Variants in FBXO27 observed in about 807,000 individuals in gnomAD.
FBXO27 encodes F-box protein 27.
FBXO27 carries 28 observed loss-of-function variants against 28.3 expected under a neutral mutation model. The ratio of observed to expected loss-of-function variants is 0.99; its 90% confidence interval spans 0.73 to 1.36. FBXO27 has a LOEUF of 1.36. Among genes scored for constraint, FBXO27 ranks in the 40% most tolerant of loss-of-function variants. The probability of loss-of-function intolerance (pLI) is 0.00; values close to 1 mark genes in which losing one functional copy is unlikely to be tolerated. For missense variants in FBXO27, 388 were observed against 394.1 expected (o/e 0.98, Z 0.13); for synonymous variants, 175 against 167.3 (o/e 1.05, Z -0.36).
At position 39,011,292 on chromosome 19, in the gene FBXO27, C is replaced by T. The variant is rs987139942; in HGVS notation, c.252+3095G>A. ...CTAAAAATACAAAACATTAGCCGGG[C>T]GTGGTGTCACCCGCCTGTAATCCCA... On this transcript the variant is annotated intron_variant, in intron 2 of 2. Transcript: ENST00000598394. 8.5e-5 allele frequency among the ~76,000 whole-genome samples: 13 copies of T among 152,116 alleles called. No individual in the cohort carries two copies. The East Asian group carries it at 9.7e-4, about 11-fold the overall frequency.
intron 4 of FBXO27, 40 bp from the exon 5 acceptor site, chr19:39,027,045 C>T (rs1374059593): frequency 6.2e-7 from 1 of 1,611,540 alleles, no homozygotes; most frequent in Admixed American, 1.7e-5. Flanking sequence ...ACCTGCCACC[C>T]CATCTCTTTG....
chr19:39,022,838 C>T (rs2072852060), downstream of FBXO27, among the ~76,000 whole-genome samples: 1 of 152,062 alleles, frequency 6.6e-6, no homozygotes, highest in African/African-American at 2.4e-5. Flanking sequence ...GCTCTTGTTG[C>T]CCTGGCTGGA....
At chr19:39,008,525 T>C (rs2072780950) in intron 2 of FBXO27, among the ~76,000 whole-genome samples, 1 of 152,200 alleles carries the variant, frequency 6.6e-6, no homozygotes, top group South Asian at 2.1e-4. Flanking sequence ...TATAAATCAC[T>C]ATTTTAGCCA....
intron 2 of FBXO27, among the ~76,000 whole-genome samples, chr19:39,008,530 T>A (rs2072780965): frequency 6.6e-6 from 1 of 152,200 alleles, no homozygotes; most frequent in Admixed American, 6.6e-5. Flanking sequence ...ATCACTATTT[T>A]AGCCATTTAA....
At chr19:39,016,940 C>A (rs1344396882) in intron 1 of FBXO27, among the ~76,000 whole-genome samples, 1 of 95,052 alleles carries the variant, frequency 1.1e-5, no homozygotes, top group Non-Finnish European at 2.4e-5. Flanking sequence ...CTAAAAGTAG[C>A]TGGGTGTGGT....
chr19:39,012,828 C>T (rs915198306), intron 2 of FBXO27, among the ~76,000 whole-genome samples: 29 of 151,950 alleles, frequency 1.9e-4, no homozygotes, highest in Admixed American at 3.3e-4. Context: ...GACGTGGAGG[C>T]GCGGGCCTGT....
downstream of FBXO27, among the ~76,000 whole-genome samples, chr19:39,022,867 G>A (rs2072852182): frequency 1.3e-5 from 2 of 152,092 alleles, no homozygotes; most frequent in South Asian, 4.1e-4. Context: ...GCGCGATCTT[G>A]GCTTACGGCA....
chr19:39,011,873 G>C (rs1184049563), intron 2 of FBXO27, among the ~76,000 whole-genome samples: 3 of 146,306 alleles, frequency 2.1e-5, no homozygotes, highest in African/African-American at 5.0e-5. Flanking sequence ...TGTCATCCCA[G>C]GCTGGAGTAC....
intron 2 of FBXO27, among the ~76,000 whole-genome samples, chr19:39,012,536 G>A (rs1338877247): frequency 2.0e-5 from 3 of 152,178 alleles, no homozygotes; most frequent in Non-Finnish European, 4.4e-5. Context: ...GGATACAAAA[G>A]GGATGGAAGC....
chr19:39,019,586 G>T (rs1367609575), downstream of FBXO27, among the ~76,000 whole-genome samples: 2 of 151,870 alleles, frequency 1.3e-5, no homozygotes, highest in African/African-American at 2.4e-5. Flanking sequence ...TGCCAGCAAA[G>T]GATGGTTTGA....
intron 2 of FBXO27, 95 bp from the exon 3 acceptor site, chr19:39,031,415 T>C (rs371320174): frequency 3.6e-6 from 4 of 1,112,552 alleles, no homozygotes; most frequent in South Asian, 1.4e-5. Context: ...GTGCTCACAG[T>C]GCAGCTCACT....
downstream of FBXO27, among the ~76,000 whole-genome samples, chr19:39,021,825 G>C (rs2072846486): frequency 6.6e-6 from 1 of 151,988 alleles, no homozygotes; most frequent in South Asian, 2.1e-4. Flanking sequence ...ACCACGCCCA[G>C]CTAATTTTTG....
chr19:39,023,689 C>A (rs1475166491), downstream of FBXO27, among the ~76,000 whole-genome samples: 6 of 152,014 alleles, frequency 3.9e-5, no homozygotes, highest in African/African-American at 1.4e-4. Context: ...TCCTGGCTCA[C>A]TGCAACCTCC....
At chr19:39,010,409 T>C (rs1319366538) in intron 2 of FBXO27, among the ~76,000 whole-genome samples, 2 of 152,142 alleles carry the variant, frequency 1.3e-5, no homozygotes, top group Non-Finnish European at 2.9e-5. Flanking sequence ...TGAAAATCAA[T>C]TGATCATCGA....
chr19:39,006,099 A>T (rs1975732748), intron 2 of FBXO27, among the ~76,000 whole-genome samples: 1 of 152,236 alleles, frequency 6.6e-6, no homozygotes. Flanking sequence ...AACATCAGAC[A>T]AAAGCAAATG....
chr19:39,027,406 G>A (rs1600227958), intron 4 of FBXO27, among the ~76,000 whole-genome samples: 2 of 152,114 alleles, frequency 1.3e-5, no homozygotes, highest in South Asian at 2.1e-4. Context: ...TCTGGACACC[G>A]AGGCTCAAGT....
At chr19:39,026,088 T>C (rs1600227450) in intron 5 of FBXO27, among the ~76,000 whole-genome samples, 1 of 152,018 alleles carries the variant, frequency 6.6e-6, no homozygotes, top group East Asian at 1.9e-4. Flanking sequence ...ACCAAGAATG[T>C]GGTGAAAATG....
In FBXO27 at chr19:39,031,995, G is replaced by GTGGCGCGC; in HGVS notation, c.232_233insGCGCGCCA (p.Thr78SerfsTer81). Reference sequence around the variant, plus strand: ...GGCGAGGTGCAGCAGCGCGCGGCCGGTGGCGCCGTGGTCGCGGGCCAGGAT... The same window carrying GTGGCGCGC: ...GGCGAGGTGCAGCAGCGCGCGGCCGGTGGCGCGCTGGCGCCGTGGTCGCGGGCCAGGAT... On this transcript the variant is annotated frameshift_variant, in exon 2 of 6. Transcript: ENST00000292853. LOFTEE classifies it high-confidence loss of function. 1 of 1,517,242 alleles carries GTGGCGCGC rather than the reference G, an allele frequency of 6.6e-7. No homozygotes were observed. The highest frequency in any genetic ancestry group is 8.8e-7 in the Non-Finnish European group (1 of 1,142,076). 94.0% of individuals were successfully genotyped at this position (1,517,242 alleles called of 1,614,324 possible). A position where few individuals can be genotyped will look rare whatever the true frequency, so the allele number is the denominator to read the frequency against.
At chr19:39,031,501 C>T in intron 2 of FBXO27, 181 bp from the exon 3 acceptor site, 1 of 632,584 alleles carries the variant, frequency 1.6e-6, no homozygotes, top group Non-Finnish European at 2.7e-6. Flanking sequence ...TCCTCTGGCC[C>T]TTCTCACTGA....
Sources: gnomAD v4.1 joint callset for allele counts (sites outside exome capture counted in the v4.1 genomes callset) on GRCh38, gnomAD v4.1.1 for gene constraint, MANE v1.5 for transcripts, NCBI Gene and HGNC (gene_info 2026-07-23, HGNC 2026-07-21) for gene names.